TINAG: variants seen among roughly 807,000 people sequenced by gnomAD.
TINAG encodes the protein tubulointerstitial nephritis antigen.
In TINAG, 83 loss-of-function variants were observed where a neutral mutation model predicts 72.7. The ratio of observed to expected loss-of-function variants is 1.14; its 90% CI spans 0.96 to 1.37. The LOEUF (loss-of-function observed/expected upper bound fraction) is 1.37. Among genes scored for constraint, TINAG ranks in the 40% most tolerant of loss-of-function variants. The pLI, the probability that TINAG is intolerant of heterozygous loss-of-function variation, is 0.00. For missense variants in TINAG, 685 were observed against 576.6 expected (o/e 1.19, Z -1.93); for synonymous variants, 234 against 189.9 (o/e 1.23, Z -1.91).
In TINAG at chr6:54,330,112, C is replaced by T. The variant is rs184673718; in HGVS notation, c.624+3196C>T. ...TCAGGACTTGAACTCAGTTGTGGAC[C>T]GGGCGGACTTAATAGACATCTACAG... is the stretch of plus-strand genomic sequence containing the variant. On this transcript the variant is annotated intron_variant, in intron 4 of 10. Transcript: ENST00000259782. Among the ~76,000 whole-genome samples, 20 of 152,210 alleles carry T rather than the reference C, an allele frequency of 1.3e-4. No individual in the cohort carries two copies. In the Middle Eastern group the frequency reaches 0.01, roughly 78 times the overall value.
chr6:54,339,395 G>T (rs1035923967), intron 4 of TINAG, among the ~76,000 whole-genome samples: 5 of 152,114 alleles, frequency 3.3e-5, no homozygotes, highest in African/African-American at 9.7e-5. Flanking sequence ...ATGTCTGTCT[G>T]CAATGCCTAC....
rs139391002 is a variant in TINAG at position 54,330,845 on chromosome 6, A to G, written c.624+3929A>G. On this transcript the variant is annotated intron_variant, in intron 4 of 10. Coordinates refer to ENST00000259782, the MANE Select transcript of TINAG (RefSeq NM_014464.4). ...ATAAACACCTCTATGCAAATAAACT[A>G]GAAAATCTAGAAGAAATGGATGAAT... Among the ~76,000 whole-genome samples the G allele has an allele frequency of 3.0e-3, 464 of 152,274 alleles. 1 individual carries two copies. Among genetic ancestry groups the G allele is most frequent in the Non-Finnish European group, 5.7e-3 (387 of 68,008 alleles).
chr6:54,360,115 C>T (rs1375623277), intron 9 of TINAG, among the ~76,000 whole-genome samples: 2 of 151,660 alleles, frequency 1.3e-5, no homozygotes, highest in African/African-American at 2.4e-5. Context: ...CAGATACATT[C>T]GCAATTGATT....
intron 1 of TINAG, among the ~76,000 whole-genome samples, chr6:54,310,089 G>GTGTGTGTGTGTA (rs1411208056): frequency 5.2e-4 from 77 of 147,418 alleles, no homozygotes; most frequent in African/African-American, 1.6e-3. Flanking sequence ...GTGTGTGTGT[G>GTGTGTGTGTGTA]TGTGTGTGTG....
chr6:54,328,578 C>A (rs547818146), intron 4 of TINAG, among the ~76,000 whole-genome samples: 1 of 152,172 alleles, frequency 6.6e-6, no homozygotes, highest in South Asian at 2.1e-4. Context: ...CAAAGGATCA[C>A]AACTCCTTGC....
chr6:54,314,964 T>C (rs1020109170), intron 1 of TINAG, among the ~76,000 whole-genome samples: 1 of 152,140 alleles, frequency 6.6e-6, no homozygotes, highest in African/African-American at 2.4e-5. Context: ...AATGCTCCCA[T>C]ACAGATAATT....
At chr6:54,362,656 C>T (rs1327482112) in intron 9 of TINAG, among the ~76,000 whole-genome samples, 1 of 151,562 alleles carries the variant, frequency 6.6e-6, no homozygotes, top group African/African-American at 2.4e-5. Flanking sequence ...CTCAAAAATG[C>T]ATCTCATAAG....
At chr6:54,313,583 A>T (rs939954965) in intron 1 of TINAG, among the ~76,000 whole-genome samples, 6 of 152,162 alleles carry the variant, frequency 3.9e-5, no homozygotes, top group African/African-American at 1.4e-4. Context: ...ATAGAATATT[A>T]CTTTATTTTA....
At chr6:54,347,564 C>T (rs1785156193) in intron 6 of TINAG, 47 bp downstream of exon 6, 1 of 1,597,162 alleles carries the variant, frequency 6.3e-7, no homozygotes, top group Non-Finnish European at 8.5e-7. Flanking sequence ...ATGAATGATG[C>T]ATTGTGTTAG....
chr6:54,381,783 T>G (rs560897933), intron 10 of TINAG, among the ~76,000 whole-genome samples: 19 of 152,170 alleles, frequency 1.2e-4, no homozygotes, highest in Non-Finnish European at 2.6e-4. Flanking sequence ...TAAATAAATT[T>G]GAACAGTTTT....
intron 5 of TINAG, among the ~76,000 whole-genome samples, chr6:54,345,102 A>C (rs114357597): frequency 8.3e-4 from 126 of 152,258 alleles, no homozygotes; most frequent in African/African-American, 2.8e-3. Flanking sequence ...TATGTTTCAC[A>C]TACATTTGAA....
rs200594694 is a variant in TINAG at position 54,362,473 on chromosome 6, C to CA, written c.1250+7845dup. ...AAGCCCACTGTTGAGATCTGCTACT[C>CA]AAAAAAAACACATTCCTTTTAAAAT... is the stretch of plus-strand genomic sequence containing the variant. On this transcript the variant is annotated intron_variant, in intron 9 of 10. Coordinates refer to ENST00000259782, the MANE Select transcript of TINAG (RefSeq NM_014464.4). Among the ~76,000 whole-genome samples the CA allele has an allele frequency of 7.3e-3, 1,109 of 151,150 alleles. 18 individuals are homozygous for CA. Among genetic ancestry groups the CA allele is most frequent in the African/African-American group, 0.024 (979 of 41,330 alleles).
chr6:54,375,691 A>T (rs1012234795), intron 9 of TINAG, among the ~76,000 whole-genome samples: 1 of 152,154 alleles, frequency 6.6e-6, no homozygotes, highest in African/African-American at 2.4e-5. Flanking sequence ...TGTGAAAGTC[A>T]TTGCCCTAGA....
chr6:54,319,585 T>C (rs1396739387), intron 1 of TINAG, among the ~76,000 whole-genome samples: 2 of 152,138 alleles, frequency 1.3e-5, no homozygotes, highest in Non-Finnish European at 2.9e-5. Context: ...AGTTATGAAA[T>C]ATTTTTTATT....
At chr6:54,378,525 T>C (rs1199563423) in intron 9 of TINAG, among the ~76,000 whole-genome samples, 1 of 152,202 alleles carries the variant, frequency 6.6e-6, no homozygotes, top group African/African-American at 2.4e-5. Flanking sequence ...ATCATTGAAA[T>C]TATTTTTTGG....
At chr6:54,355,464 C>T (rs1763006116) in intron 9 of TINAG, among the ~76,000 whole-genome samples, 2 of 151,868 alleles carry the variant, frequency 1.3e-5, no homozygotes, top group African/African-American at 4.8e-5. Context: ...CTTTGAAACA[C>T]CTTTAAGTCA....
intron 1 of TINAG, among the ~76,000 whole-genome samples, chr6:54,316,612 A>G (rs1249392623): frequency 1.3e-5 from 2 of 152,212 alleles, no homozygotes; most frequent in African/African-American, 2.4e-5. Flanking sequence ...AGATATTTAT[A>G]ATACACTGTG....
intron 4 of TINAG, 91 bp downstream of exon 4, chr6:54,327,007 T>C (rs1222347715): frequency 6.4e-7 from 1 of 1,572,094 alleles, no homozygotes; most frequent in East Asian, 2.4e-5. Flanking sequence ...ACTAAAATAA[T>C]GAGTTTTGAG....
At chr6:54,308,106 C>A (rs1470561272), upstream of TINAG, 1 of 1,549,594 alleles carries the variant, frequency 6.5e-7, no homozygotes, top group Admixed American at 2.0e-5. Context: ...GCAGGTGAAA[C>A]GAATAATTGC....
Sources: allele counts gnomAD v4.1 joint callset (sites outside exome capture counted in the v4.1 genomes callset), GRCh38; gene constraint gnomAD v4.1.1; transcripts MANE v1.5; gene names NCBI Gene and HGNC (gene_info 2026-07-23, HGNC 2026-07-21).